ACYP2: variants seen among roughly 807,000 people sequenced by gnomAD.
ACYP2 encodes acylphosphatase 2.
Under a neutral mutation model 11.2 loss-of-function variants are expected in ACYP2, and 12 were observed. The observed-to-expected ratio is 1.08, with a 90% confidence interval of 0.69 to 1.74. The LOEUF (loss-of-function observed/expected upper bound fraction) is 1.74, where lower values mean the gene tolerates loss of function less well. Ranked by LOEUF, ACYP2 falls within the 40% of genes most tolerant of loss-of-function variation. ACYP2 has a pLI of 0.00. For missense variants in ACYP2, 134 were observed against 101.9 expected (o/e 1.31, Z -1.35); for synonymous variants, 43 against 32.2 (o/e 1.33, Z -1.13).
intron 2 of ACYP2, chr2:54,029,720 C>T (rs533562067): frequency 1.7e-6 from 1 of 586,058 alleles, no homozygotes. Flanking sequence ...GAATCTTGCC[C>T]TTAACTTGTT....
chr2:54,205,832 G>A (rs1685052928), intron 6 of ACYP2, among the ~76,000 whole-genome samples: 1 of 152,114 alleles, frequency 6.6e-6, no homozygotes, highest in Non-Finnish European at 1.5e-5. Context: ...ATATTCATCT[G>A]CAGCTAATTT....
At chr2:54,008,578 T>C (rs1042098912) in intron 2 of ACYP2, among the ~76,000 whole-genome samples, 1 of 152,140 alleles carries the variant, frequency 6.6e-6, no homozygotes, top group Non-Finnish European at 1.5e-5. Context: ...AAGAATTACA[T>C]TCTTTGGCCA....
chr2:54,304,897 G>T lies in ACYP2; in HGVS notation c.*95G>T. ...AATAGTAGCAGAGTAGGGTGAAAAG[G>T]AACTTTCTGTTCTGAAAGCTAAGCG... On this transcript the variant is annotated 3_prime_UTR_variant, in exon 7 of 7. Coordinates refer to ENST00000607452, the MANE Select transcript of ACYP2 (RefSeq NM_001320586.2). 124 of 513,934 alleles carry T rather than the reference G, an allele frequency of 2.4e-4. No individual in the cohort carries two copies. Among genetic ancestry groups the T allele is most frequent in the Middle Eastern group, 1.2e-3 (2 of 1,720 alleles). The allele number at this position is 513,934 out of a possible 1,614,324, so 31.8% of individuals were successfully genotyped here. A position where few individuals can be genotyped will look rare whatever the true frequency, so the allele number is the denominator to read the frequency against.
At chr2:54,201,638 C>G (rs13024714) in intron 6 of ACYP2, among the ~76,000 whole-genome samples, 52 of 59,822 alleles carry the variant, frequency 8.7e-4, no homozygotes, top group East Asian at 2.1e-3. Flanking sequence ...CTTTCTTTCT[C>G]TTTCTTTCTT....
At chr2:54,162,919 T>A (rs1184244179) in intron 6 of ACYP2, among the ~76,000 whole-genome samples, 2 of 152,070 alleles carry the variant, frequency 1.3e-5, no homozygotes, top group Non-Finnish European at 2.9e-5. Flanking sequence ...GCCTGAGAAG[T>A]CAAGGCTGCG....
chr2:54,072,513 TTC>T (rs1491531107), intron 4 of ACYP2, among the ~76,000 whole-genome samples: 3 of 146,152 alleles, frequency 2.1e-5, no homozygotes, highest in South Asian at 2.2e-4. Context: ...CTCTCTCTCT[TTC>T]TTTCTTCTTT....
intron 6 of ACYP2, among the ~76,000 whole-genome samples, chr2:54,139,710 T>C (rs1223394493): frequency 6.6e-6 from 1 of 152,210 alleles, no homozygotes; most frequent in Non-Finnish European, 1.5e-5. Context: ...TTTTTAGATT[T>C]CCAAAGCAAT....
chr2:54,278,832 C>T (rs981450793), intron 6 of ACYP2, among the ~76,000 whole-genome samples: 1 of 152,058 alleles, frequency 6.6e-6, no homozygotes, highest in Non-Finnish European at 1.5e-5. Flanking sequence ...TTGAAAGGAA[C>T]TAAATAATGT....
At chr2:54,127,471 C>T (rs1170778108) in intron 4 of ACYP2, among the ~76,000 whole-genome samples, 2 of 152,244 alleles carry the variant, frequency 1.3e-5, no homozygotes, top group Admixed American at 1.3e-4. Flanking sequence ...GTGACTCACA[C>T]CTGTAATCCC....
chr2:54,300,950 G>C (rs1689700810), intron 6 of ACYP2, among the ~76,000 whole-genome samples: 2 of 152,164 alleles, frequency 1.3e-5, no homozygotes, highest in South Asian at 4.1e-4. Context: ...AAAATTATGA[G>C]TATGAGTGAG....
intron 6 of ACYP2, among the ~76,000 whole-genome samples, chr2:54,213,445 GGT>G (rs1242338780): frequency 6.6e-6 from 1 of 151,990 alleles, no homozygotes; most frequent in Non-Finnish European, 1.5e-5. Flanking sequence ...TATTCCTTTG[GGT>G]ATAGACCCAG....
chr2:54,148,635 T>C (rs182836386), intron 6 of ACYP2, among the ~76,000 whole-genome samples: 75 of 152,210 alleles, frequency 4.9e-4, no homozygotes, highest in African/African-American at 1.5e-3. Flanking sequence ...CATCAGTATG[T>C]GGATAGTGTT....
chr2:54,126,317 C>T (rs758577642), intron 4 of ACYP2, among the ~76,000 whole-genome samples: 8 of 152,056 alleles, frequency 5.3e-5, no homozygotes, highest in Non-Finnish European at 8.8e-5. Context: ...ATGCATATCA[C>T]TATAGTTGGT....
At chr2:54,208,481 G>C (rs188568303) in intron 6 of ACYP2, among the ~76,000 whole-genome samples, 13 of 152,192 alleles carry the variant, frequency 8.5e-5, no homozygotes, top group Admixed American at 6.5e-4. Flanking sequence ...GTTAGAGCTT[G>C]ATCTCTACAT....
chr2:54,178,456 C>T (rs367910040), intron 6 of ACYP2, among the ~76,000 whole-genome samples: 3 of 152,192 alleles, frequency 2.0e-5, no homozygotes, highest in African/African-American at 7.2e-5. Context: ...ATTGGGCTGG[C>T]TATACTCTGT....
At chr2:54,164,365 C>G (rs959374653) in intron 6 of ACYP2, among the ~76,000 whole-genome samples, 3 of 152,152 alleles carry the variant, frequency 2.0e-5, no homozygotes, top group Non-Finnish European at 4.4e-5. Context: ...ACCAAGGAAT[C>G]ATTGAAGAAT....
chr2:54,249,940 C>CAAAAAA (rs1015312135), intron 6 of ACYP2, among the ~76,000 whole-genome samples: 1 of 44,458 alleles, frequency 2.2e-5, no homozygotes, highest in Non-Finnish European at 4.9e-5. Context: ...GACCCTGTCT[C>CAAAAAA]AAAAAAAAAA....
At chr2:54,206,472 T>C (rs986098882) in intron 6 of ACYP2, among the ~76,000 whole-genome samples, 26 of 152,238 alleles carry the variant, frequency 1.7e-4, no homozygotes, top group Admixed American at 1.7e-3. Flanking sequence ...TCTTGTTTAA[T>C]TAGGTTGCCT....
intron 6 of ACYP2, among the ~76,000 whole-genome samples, chr2:54,180,883 A>G (rs757248534): frequency 6.6e-6 from 1 of 152,138 alleles, no homozygotes; most frequent in Non-Finnish European, 1.5e-5. Context: ...TATCACAGAC[A>G]TTCATCCCAT....
Sources: gnomAD v4.1 joint callset for allele counts (sites outside exome capture counted in the v4.1 genomes callset) on GRCh38, gnomAD v4.1.1 for gene constraint, MANE v1.5 for transcripts, NCBI Gene and HGNC (gene_info 2026-07-23, HGNC 2026-07-21) for gene names.